Variants in ZCWPW2 observed in about 807,000 individuals in gnomAD.
The protein encoded by ZCWPW2 is zinc finger CW-type and PWWP domain containing 2.
In ZCWPW2, 45 loss-of-function variants were observed where a neutral mutation model predicts 46.6. That is an observed-to-expected ratio of 0.96 (90% confidence interval 0.76 to 1.24). The LOEUF (loss-of-function observed/expected upper bound fraction) is 1.24. Among genes scored for constraint, ZCWPW2 ranks in the 50% most tolerant of loss-of-function variants. ZCWPW2 has a pLI of 0.00. For missense variants in ZCWPW2, 429 were observed against 403.9 expected, an observed-to-expected ratio of 1.06 and a Z score of -0.53; for synonymous variants, 152 against 137.1, an observed-to-expected ratio of 1.11 and a Z score of -0.76.
chr3:28,443,994 T>G (rs1697878359), intron 4 of ZCWPW2, among the ~76,000 whole-genome samples: 1 of 152,168 alleles, frequency 6.6e-6, no homozygotes, highest in Admixed American at 6.5e-5. Flanking sequence ...AACCATCTTT[T>G]AATCCATGTT....
intron 2 of ZCWPW2, among the ~76,000 whole-genome samples, chr3:28,401,244 A>G (rs543673286): frequency 5.3e-5 from 8 of 152,094 alleles, no homozygotes; most frequent in Non-Finnish European, 1.0e-4. Context: ...AACAGATAGA[A>G]AGATGAATGG....
intron 3 of ZCWPW2, among the ~76,000 whole-genome samples, chr3:28,430,417 A>G (rs558571140): frequency 5.7e-4 from 87 of 152,354 alleles, no homozygotes; most frequent in Non-Finnish European, 1.1e-3. Context: ...CATGGTATCT[A>G]AGAATTAACT....
chr3:28,427,451 A>G (rs902691409), intron 3 of ZCWPW2, among the ~76,000 whole-genome samples: 9 of 152,208 alleles, frequency 5.9e-5, no homozygotes, highest in African/African-American at 2.2e-4. Flanking sequence ...TGATGTACAG[A>G]CTGAGTCAGA....
At chr3:28,474,300 A>T (rs1699146237) in intron 4 of ZCWPW2, among the ~76,000 whole-genome samples, 1 of 152,206 alleles carries the variant, frequency 6.6e-6, no homozygotes, top group Non-Finnish European at 1.5e-5. Flanking sequence ...TTCAAAAGTG[A>T]TTTCACAATA....
At chr3:28,377,342 A>G (rs1348032415) in intron 1 of ZCWPW2, among the ~76,000 whole-genome samples, 3 of 152,104 alleles carry the variant, frequency 2.0e-5, no homozygotes, top group African/African-American at 7.2e-5. Flanking sequence ...TGCAGTTCTC[A>G]CTAGAACTGA....
intron 1 of ZCWPW2, among the ~76,000 whole-genome samples, chr3:28,385,935 T>A (rs1230722443): frequency 6.6e-6 from 1 of 152,144 alleles, no homozygotes; most frequent in Non-Finnish European, 1.5e-5. Context: ...TTTAAGCTTT[T>A]TTTTTTTTGA....
intron 6 of ZCWPW2, among the ~76,000 whole-genome samples, chr3:28,513,566 C>A (rs1215256308): frequency 6.6e-6 from 1 of 152,078 alleles, no homozygotes; most frequent in African/African-American, 2.4e-5. Flanking sequence ...GCTCTCTAAC[C>A]AGTGTCACCC....
At chr3:28,361,651 C>T (rs891925932) in intron 1 of ZCWPW2, among the ~76,000 whole-genome samples, 2 of 151,224 alleles carry the variant, frequency 1.3e-5, no homozygotes, top group African/African-American at 4.9e-5. Flanking sequence ...GGATTAATAT[C>T]AAAAATATAT....
chr3:28,457,798 T>A (rs568129355), intron 4 of ZCWPW2, among the ~76,000 whole-genome samples: 2 of 152,360 alleles, frequency 1.3e-5, no homozygotes, highest in East Asian at 3.9e-4. Context: ...ATAAAAATTC[T>A]ACACCTTGAA....
chr3:28,513,653 AT>A (rs1474572546), intron 6 of ZCWPW2, among the ~76,000 whole-genome samples: 1 of 151,932 alleles, frequency 6.6e-6, no homozygotes, highest in Non-Finnish European at 1.5e-5. Flanking sequence ...CCTGGTACAA[AT>A]TTCTTTTGGG....
At chr3:28,462,548 T>G (rs1698679281) in intron 4 of ZCWPW2, among the ~76,000 whole-genome samples, 2 of 152,216 alleles carry the variant, frequency 1.3e-5, no homozygotes, top group African/African-American at 4.8e-5. Context: ...CTTATTATCC[T>G]GGTTGGATGA....
intron 6 of ZCWPW2, among the ~76,000 whole-genome samples, chr3:28,501,225 A>G (rs181863910): frequency 8.6e-4 from 131 of 152,270 alleles, no homozygotes; most frequent in East Asian, 8.1e-3. Context: ...GAAGAAGGAA[A>G]CAGCATTGTG....
At chr3:28,466,609 G>A (rs1327540121) in intron 4 of ZCWPW2, among the ~76,000 whole-genome samples, 2 of 152,056 alleles carry the variant, frequency 1.3e-5, no homozygotes, top group Non-Finnish European at 2.9e-5. Flanking sequence ...GACCTGCCTG[G>A]CCAACATGGT....
intron 1 of ZCWPW2, among the ~76,000 whole-genome samples, chr3:28,388,334 T>C (rs56058287): frequency 0.22 from 33,309 of 152,054 alleles, 3,943 homozygotes; most frequent in Admixed American, 0.28. Flanking sequence ...GTCCCCCCCT[T>C]GTCAACCTGA....
chr3:28,438,927 A>G (rs963292090), intron 4 of ZCWPW2, among the ~76,000 whole-genome samples: 1 of 152,022 alleles, frequency 6.6e-6, no homozygotes, highest in South Asian at 2.1e-4. Flanking sequence ...AAATTAGAGC[A>G]GAGAGAAGAA....
chr3:28,514,246 A>C, intron 7 of ZCWPW2, 124 bp downstream of exon 7: 2 of 582,892 alleles, frequency 3.4e-6, no homozygotes. Context: ...CTGCATAGTC[A>C]GGGCAATTGC....
intron 1 of ZCWPW2, among the ~76,000 whole-genome samples, chr3:28,384,494 G>C (rs1454455699): frequency 6.6e-6 from 1 of 151,944 alleles, no homozygotes; most frequent in Non-Finnish European, 1.5e-5. Context: ...TCTGTATACT[G>C]AAAATATTTC....
At chr3:28,356,550 C>A (rs1277375435) in intron 1 of ZCWPW2, among the ~76,000 whole-genome samples, 2 of 152,214 alleles carry the variant, frequency 1.3e-5, no homozygotes, top group African/African-American at 2.4e-5. Flanking sequence ...AAGACACATG[C>A]ACACATATGT....
intron 5 of ZCWPW2, among the ~76,000 whole-genome samples, chr3:28,489,843 C>T (rs1699746441): frequency 1.3e-5 from 2 of 151,790 alleles, no homozygotes; most frequent in Non-Finnish European, 1.5e-5. Context: ...ATTTTTACTC[C>T]TGGACCTAAT....
Sources: allele counts gnomAD v4.1 joint callset (sites outside exome capture counted in the v4.1 genomes callset), GRCh38; gene constraint gnomAD v4.1.1; transcripts MANE v1.5; gene names NCBI Gene and HGNC (gene_info 2026-07-23, HGNC 2026-07-21).